XPO7: variants seen among roughly 807,000 people sequenced by gnomAD.
XPO7 encodes the protein exportin 7, also known as exportin-7.
In XPO7, 21 loss-of-function variants were observed where a neutral mutation model predicts 144.3. That is an observed-to-expected ratio of 0.15 (90% CI 0.10 to 0.21). The LOEUF is 0.21. Among genes scored for constraint, XPO7 ranks in the 10% least tolerant of loss-of-function variants. The pLI is 1.00. For synonymous variants in XPO7, 580 were observed against 499.6 expected (o/e 1.16, Z -2.15); for missense variants, 808 against 1,325.8 (o/e 0.61, Z 6.06).
At chr8:21,952,044 T>C (rs1352079241) in intron 1 of XPO7, among the ~76,000 whole-genome samples, 3 of 152,216 alleles carry the variant, frequency 2.0e-5, no homozygotes, top group African/African-American at 7.2e-5. Context: ...CAGGTGTTAC[T>C]TCTCTCCTTT....
chr8:21,947,463 A>G (rs570166301), intron 1 of XPO7, among the ~76,000 whole-genome samples: 9 of 152,326 alleles, frequency 5.9e-5, no homozygotes, highest in African/African-American at 1.9e-4. Context: ...CAAAATGAAA[A>G]GCCAGTTTGC....
At chr8:22,004,903 T>A in intron 27 of XPO7, 92 bp from the exon 28 acceptor site, 1 of 709,726 alleles carries the variant, frequency 1.4e-6, no homozygotes, top group Non-Finnish European at 2.3e-6. Flanking sequence ...ATTCATACAT[T>A]CTACTTCCCA....
At chr8:21,967,370 G>T (rs1002287678) in intron 2 of XPO7, among the ~76,000 whole-genome samples, 1 of 152,094 alleles carries the variant, frequency 6.6e-6, no homozygotes, top group African/African-American at 2.4e-5. Context: ...CGCTCTTGTT[G>T]CCCAGGCTGG....
chr8:21,962,955 G>A (rs1811771658), intron 1 of XPO7, among the ~76,000 whole-genome samples: 1 of 152,100 alleles, frequency 6.6e-6, no homozygotes, highest in African/African-American at 2.4e-5. Flanking sequence ...GCAAGGTTCA[G>A]TATAAATATT....
At chr8:21,986,973 G>A (rs533704132) in intron 13 of XPO7, among the ~76,000 whole-genome samples, 168 bp from the exon 14 acceptor site, 3 of 152,338 alleles carry the variant, frequency 2.0e-5, no homozygotes, top group Admixed American at 6.5e-5. Context: ...CAAAAAGATT[G>A]AAAACTCCTG....
intron 1 of XPO7, among the ~76,000 whole-genome samples, chr8:21,928,209 C>A (rs2117242800): frequency 6.6e-6 from 1 of 152,330 alleles, no homozygotes; most frequent in Middle Eastern, 3.4e-3. Flanking sequence ...TTTCTGACTT[C>A]TTTCACTCAG....
At chr8:21,975,591 C>T (rs940184302) in intron 6 of XPO7, among the ~76,000 whole-genome samples, 4 of 152,188 alleles carry the variant, frequency 2.6e-5, no homozygotes, top group Non-Finnish European at 4.4e-5. Context: ...TTCCAGTTAA[C>T]GATATTCATC....
chr8:21,938,014 C>T (rs1563312758), intron 1 of XPO7, among the ~76,000 whole-genome samples: 1 of 151,872 alleles, frequency 6.6e-6, no homozygotes. Context: ...GCATATATAA[C>T]CCCCTTTTAA....
intron 1 of XPO7, among the ~76,000 whole-genome samples, chr8:21,920,187 C>T (rs926165813): frequency 5.4e-5 from 8 of 147,860 alleles, no homozygotes; most frequent in South Asian, 2.2e-4. Flanking sequence ...GCCCCCATGA[C>T]GCCCGCCATC....
At chr8:21,982,907 C>T (rs1286946990) in intron 11 of XPO7, 95 bp downstream of exon 11, 6 of 1,434,520 alleles carry the variant, frequency 4.2e-6, no homozygotes, top group African/African-American at 1.4e-5. Context: ...GTACTCGAAG[C>T]GTGTCTCATT....
chr8:21,976,533 TC>T lies in XPO7; in HGVS notation c.763+14del. The T allele has an allele frequency of 6.2e-7, 1 of 1,606,034 alleles. No individual in the cohort carries two copies. Among genetic ancestry groups the T allele is most frequent in the Non-Finnish European group, 8.5e-7 (1 of 1,175,512 alleles). On this transcript the variant is annotated intron_variant, in intron 7 of 27. Coordinates refer to ENST00000252512, the MANE Select transcript of XPO7 (RefSeq NM_015024.5). ...CAGCTGGAGATCAGGTAACAGAACT[TC>T]CTCCACCTCAAAGGCTGTCTGTCAC...
intron 1 of XPO7, among the ~76,000 whole-genome samples, chr8:21,938,217 A>G (rs899008643): frequency 6.6e-6 from 1 of 152,212 alleles, no homozygotes; most frequent in Admixed American, 6.5e-5. Context: ...TATATTTAAT[A>G]TGTTAGATGA....
At chr8:22,004,889 A>C (rs1813271819) in intron 27 of XPO7, 106 bp from the exon 28 acceptor site, 10 of 611,798 alleles carry the variant, frequency 1.6e-5, no homozygotes, top group East Asian at 3.0e-5. Flanking sequence ...AACAGAACCC[A>C]TCAATTCATA....
At chr8:21,975,477 A>G (rs1414545804) in intron 6 of XPO7, among the ~76,000 whole-genome samples, 1 of 152,206 alleles carries the variant, frequency 6.6e-6, no homozygotes, top group Non-Finnish European at 1.5e-5. Flanking sequence ...AAGAAAGCTA[A>G]ATAGGGTTAG....
Position 21,929,319 on chromosome 8 carries a change from TC to T in XPO7, c.18+9533del, listed in dbSNP as rs558984164. ...TCGATAAAAATAAGCTAGATCCTCG[TC>T]CTCTCAGATGTGTGTGAATGCAAAT... On this transcript the variant is annotated intron_variant, in intron 1 of 27. Transcript: ENST00000252512. Among the ~76,000 whole-genome samples, 55 of 152,348 alleles carry T rather than the reference TC, an allele frequency of 3.6e-4. No individual in the cohort carries two copies. The Middle Eastern group carries it at 0.01, about 28-fold the overall frequency.
rs572785107 is a variant in XPO7 at position 21,923,695 on chromosome 8, CCCTGTTCTATA to C, written c.18+3908_18+3918del. 1.6e-3 allele frequency among the ~76,000 whole-genome samples: 245 copies of C among 152,230 alleles called. 3 individuals carry two copies. Among genetic ancestry groups the C allele is most frequent in the Non-Finnish European group, 1.8e-3 (121 of 68,014 alleles). On this transcript the variant is annotated intron_variant, in intron 1 of 27. Transcript: ENST00000252512. ...GTATAGAAAGAAGTATCAGGAAGATCCCTGTTCTATATCTTACAGAGAAATTAGCTTCCATT... is the reference window on the plus strand; with the variant it reads ...GTATAGAAAGAAGTATCAGGAAGATCTCTTACAGAGAAATTAGCTTCCATT...
intron 8 of XPO7, among the ~76,000 whole-genome samples, 156 bp from the exon 9 acceptor site, chr8:21,979,928 T>A (rs1385249151): frequency 6.6e-6 from 1 of 151,872 alleles, no homozygotes; most frequent in East Asian, 1.9e-4. Flanking sequence ...TGGGCTGCCG[T>A]GGTCTGCTTG....
At position 21,951,462 on chromosome 8, in the gene XPO7, A is replaced by G. The variant is rs77105162; in HGVS notation, c.19-15395A>G. On this transcript the variant is annotated intron_variant, in intron 1 of 27. Transcript: ENST00000252512. Reference sequence around the variant, plus strand: ...AACCATTTAGAATTGTGTTTGGCACAAAGGTACTCAGATATTTGTTGTTGT... The same window carrying G: ...AACCATTTAGAATTGTGTTTGGCACGAAGGTACTCAGATATTTGTTGTTGT... Among the ~76,000 whole-genome samples the G allele has an allele frequency of 1.1e-3, 165 of 152,278 alleles. 2 individuals carry two copies. In the East Asian group the frequency reaches 0.026, roughly 24 times the overall value.
intron 1 of XPO7, among the ~76,000 whole-genome samples, chr8:21,951,025 G>A (rs1449729293): frequency 6.6e-6 from 1 of 152,050 alleles, no homozygotes; most frequent in Non-Finnish European, 1.5e-5. Context: ...CTACCCAAGA[G>A]GCGGAGGCTG....
Sources: gnomAD v4.1 joint callset for allele counts (sites outside exome capture counted in the v4.1 genomes callset) on GRCh38, gnomAD v4.1.1 for gene constraint, MANE v1.5 for transcripts, NCBI Gene and HGNC (gene_info 2026-07-23, HGNC 2026-07-21) for gene names.